Variants in SYNE2 observed in about 807,000 individuals in gnomAD.
The protein encoded by SYNE2 is nesprin-2.
SYNE2 carries 431 observed loss-of-function variants against 856.3 expected under a neutral mutation model. The ratio of observed to expected loss-of-function variants is 0.50; its 90% CI spans 0.47 to 0.55. The LOEUF is 0.55. Ranked by LOEUF, SYNE2 falls within the 20% of genes least tolerant of loss-of-function variation. The pLI, the probability that SYNE2 is intolerant of heterozygous loss-of-function variation, is 0.00. For missense variants in SYNE2, 8,129 were observed against 8,023.2 expected (o/e 1.01, Z -0.50); for synonymous variants, 2,923 against 2,872.3 (o/e 1.02, Z -0.56).
At chr14:64,140,224 C>A in intron 80 of SYNE2, 151 bp downstream of exon 80, 2 of 698,290 alleles carry the variant, frequency 2.9e-6, no homozygotes, top group Non-Finnish European at 5.0e-6. Flanking sequence ...AAACCTAGAA[C>A]TGTTTATACT....
intron 65 of SYNE2, chr14:64,113,117 G>A (rs2097825042): frequency 1.0e-5 from 10 of 985,212 alleles, no homozygotes; most frequent in Non-Finnish European, 1.1e-5. Context: ...TCTGTGCCCG[G>A]GAATACTGTA....
chr14:63,927,779 C>A (rs1288081972), intron 2 of SYNE2, among the ~76,000 whole-genome samples: 1 of 151,926 alleles, frequency 6.6e-6, no homozygotes, highest in Non-Finnish European at 1.5e-5. Context: ...GCAGTCCCAG[C>A]TACTCGGGAG....
At chr14:63,782,049 G>T (rs1265512608) in intron 1 of SYNE2, among the ~76,000 whole-genome samples, 1 of 151,832 alleles carries the variant, frequency 6.6e-6, no homozygotes, top group Non-Finnish European at 1.5e-5. Flanking sequence ...GCAGGAGAAT[G>T]GCTTGAGGCC....
At chr14:64,116,606 C>T (rs991466516) in intron 66 of SYNE2, among the ~76,000 whole-genome samples, 2 of 152,034 alleles carry the variant, frequency 1.3e-5, no homozygotes, top group African/African-American at 4.8e-5. Flanking sequence ...TTAGTAGAAA[C>T]GGTTTCCCCA....
Position 63,853,018 on chromosome 14 carries a change from C to T in SYNE2, c.-177C>T, listed in dbSNP as rs1026477269. On this transcript the variant is annotated 5_prime_UTR_variant, in exon 1 of 116. Coordinates refer to ENST00000555002, the MANE Select transcript of SYNE2 (RefSeq NM_182914.3). ...GGAGCGCGCTCAGCTGCGCCCAGAG[C>T]CTTCGGCCGGACCTGAAAAAGCGAG... is the stretch of plus-strand genomic sequence containing the variant. 6.6e-6 allele frequency: 1 copy of T among 151,634 alleles called. No homozygotes were observed. The highest frequency in any genetic ancestry group is 2.1e-4 in the South Asian group (1 of 4,842). The allele number at this position is 151,634 out of a possible 1,614,324, so 9.4% of individuals were successfully genotyped here.
chr14:64,151,875 G>C (rs2098247197), intron 84 of SYNE2, among the ~76,000 whole-genome samples: 1 of 152,186 alleles, frequency 6.6e-6, no homozygotes, highest in Non-Finnish European at 1.5e-5. Flanking sequence ...CTGCAATCCT[G>C]AGAAGGACAA....
intron 61 of SYNE2, among the ~76,000 whole-genome samples, chr14:64,095,551 GA>G (rs1555479708): frequency 6.6e-6 from 1 of 152,010 alleles, no homozygotes; most frequent in Non-Finnish European, 1.5e-5. Context: ...TATCTCTTCA[GA>G]AAAAATCTTT....
rs2096609186 is a variant in SYNE2 at position 63,984,342 on chromosome 14, G to A, written c.2151+456G>A. Among the ~76,000 whole-genome samples the A allele has an allele frequency of 2.0e-5, 3 of 152,236 alleles. No individual in the cohort carries two copies. The South Asian group carries it at 6.2e-4, about 32-fold the overall frequency. On this transcript the variant is annotated intron_variant, in intron 18 of 115. Coordinates refer to ENST00000555002, the MANE Select transcript of SYNE2 (RefSeq NM_182914.3). ...TCATTTCCTAGGAAAATGCTTAAAT[G>A]TTTTCCCTTATGAAGTCTTTAGCAT... is the stretch of plus-strand genomic sequence containing the variant.
rs2096966535 is a variant in SYNE2, at chr14:64,024,996, A to C, written c.5925A>C (p.Lys1975Asn). Reference sequence around the variant, plus strand: ...AAGGAATGGAAGAACCAGGGGAGAAAACTGAGCTGTTCTGCCAAGCTTTAG... The same window carrying C: ...AAGGAATGGAAGAACCAGGGGAGAACACTGAGCTGTTCTGCCAAGCTTTAG... ...KWKGMEEPGE[K>N]TELFCQALAR... Residue 1975 changes from lysine to asparagine, a missense_variant, in exon 40 of 116, where the codon AAA becomes AAC. Physicochemically the swap from Lys to Asn is moderately conservative, Grantham distance 94. Transcript: ENST00000555002. The C allele has an allele frequency of 6.2e-7, 1 of 1,613,990 alleles. No individual in the cohort carries two copies.
rs1281358104 is a variant in SYNE2 at position 64,220,478 on chromosome 14, C to A, written c.19902C>A (p.Val6634=). 6.2e-7 allele frequency: 1 copy of A among 1,614,232 alleles called. No individual in the cohort carries two copies. The highest frequency in any genetic ancestry group is 1.1e-5 in the South Asian group (1 of 91,080). Reference sequence around the variant, plus strand: ...TTGACACTTACAAGGCATTAGTGGTCTCTGTCAACGTGAGCAGCAAGGAAT... The same window carrying A: ...TTGACACTTACAAGGCATTAGTGGTATCTGTCAACGTGAGCAGCAAGGAAT... ...KAFDTYKALV[V]SVNVSSKEFL... The change falls in exon 111 of 116, where the codon GTC becomes GTA. Residue 6634 remains valine, a synonymous_variant. Transcript: ENST00000555002.
chr14:64,062,721 A>G (rs1001793929), intron 49 of SYNE2, 30 bp from the exon 50 acceptor site: 3 of 1,588,132 alleles, frequency 1.9e-6, no homozygotes, highest in Non-Finnish European at 2.6e-6. Context: ...AAAATTTAAT[A>G]CCACTTTTTT....
chr14:64,039,723 T>C (rs1432416349), intron 45 of SYNE2, among the ~76,000 whole-genome samples: 1 of 152,196 alleles, frequency 6.6e-6, no homozygotes, highest in East Asian at 1.9e-4. Flanking sequence ...AATTATACTT[T>C]GTCTTGAGTT....
chr14:64,140,679 AT>A (rs1273242273), intron 80 of SYNE2, among the ~76,000 whole-genome samples: 1 of 152,248 alleles, frequency 6.6e-6, no homozygotes, highest in Admixed American at 6.5e-5. Flanking sequence ...AAATGTTAAC[AT>A]TAATAAATGC....
intron 78 of SYNE2, among the ~76,000 whole-genome samples, chr14:64,135,266 A>T (rs531454218): frequency 6.6e-6 from 1 of 152,332 alleles, no homozygotes; most frequent in African/African-American, 2.4e-5. Context: ...TTAAAACCTC[A>T]AAAGCACATT....
chr14:63,897,931 G>A (rs2095279823), intron 1 of SYNE2, among the ~76,000 whole-genome samples: 1 of 152,116 alleles, frequency 6.6e-6, no homozygotes, highest in African/African-American at 2.4e-5. Context: ...AGCATGTTTT[G>A]CAAACCACAA....
chr14:64,167,185 A>G (rs375207435), intron 90 of SYNE2, 48 bp from the exon 91 acceptor site: 134 of 1,612,422 alleles, frequency 8.3e-5, no homozygotes, highest in Non-Finnish European at 1.1e-4. Context: ...TGTCATCTAG[A>G]TATCTTATTG....
chr14:63,969,443 A>C (rs773751110), intron 11 of SYNE2, among the ~76,000 whole-genome samples: 1 of 150,006 alleles, frequency 6.7e-6, no homozygotes, highest in East Asian at 2.0e-4. Context: ...CCTGGATTCA[A>C]GTGATTCTTT....
chr14:64,087,495 C>T (rs376822130), intron 57 of SYNE2, 176 bp from the exon 58 acceptor site: 235 of 781,874 alleles, frequency 3.0e-4, no homozygotes, highest in Non-Finnish European at 5.0e-4. Context: ...CAGGTAGATA[C>T]TCTGAAGTCT....
upstream of SYNE2, among the ~76,000 whole-genome samples, chr14:63,852,795 CCCTCACA>C (rs1361476384): frequency 6.6e-6 from 1 of 152,136 alleles, no homozygotes. Flanking sequence ...GGTGGTCTCT[CCCTCACA>C]CCACCTCTGA....
Sources: allele counts gnomAD v4.1 joint callset (sites outside exome capture counted in the v4.1 genomes callset), GRCh38; gene constraint gnomAD v4.1.1; transcripts MANE v1.5; gene names NCBI Gene and HGNC (gene_info 2026-07-23, HGNC 2026-07-21).